Variants in RIMS2 observed in about 807,000 individuals in gnomAD.
RIMS2 encodes regulating synaptic membrane exocytosis protein 2.
RIMS2 carries 59 observed loss-of-function variants against 174.4 expected under a neutral mutation model. The observed-to-expected ratio is 0.34, with a 90% confidence interval of 0.27 to 0.42. RIMS2 has a LOEUF of 0.42. Among genes scored for constraint, RIMS2 ranks in the 10% least tolerant of loss-of-function variants. The pLI is 1.00. For missense variants in RIMS2, 1,620 were observed against 1,666.3 expected (o/e 0.97, Z 0.48); for synonymous variants, 606 against 572.5 (o/e 1.06, Z -0.84).
At chr8:103,609,665 T>A (rs921094471) in intron 1 of RIMS2, among the ~76,000 whole-genome samples, 1 of 152,172 alleles carries the variant, frequency 6.6e-6, no homozygotes, top group Non-Finnish European at 1.5e-5. Context: ...TGGTTGTAGG[T>A]GTGTGGCATT....
chr8:104,038,230 A>G (rs987711673), intron 19 of RIMS2, among the ~76,000 whole-genome samples: 5 of 152,000 alleles, frequency 3.3e-5, no homozygotes, highest in Non-Finnish European at 7.4e-5. Flanking sequence ...TATATTTTAT[A>G]TATCTTTTAT....
At chr8:103,927,116 T>C (rs1414837309) in intron 10 of RIMS2, among the ~76,000 whole-genome samples, 1 of 151,370 alleles carries the variant, frequency 6.6e-6, no homozygotes, top group Non-Finnish European at 1.5e-5. Flanking sequence ...TGGAAAAGTA[T>C]AACGAACTGT....
chr8:104,239,098 G>T (rs142824726), intron 19 of RIMS2, among the ~76,000 whole-genome samples: 278 of 152,288 alleles, frequency 1.8e-3, no homozygotes, highest in African/African-American at 6.2e-3. Flanking sequence ...AGGTCACCAT[G>T]ACATTAAGTT....
intron 2 of RIMS2, among the ~76,000 whole-genome samples, chr8:103,751,801 T>C (rs1346231880): frequency 1.3e-5 from 2 of 151,414 alleles, no homozygotes; most frequent in East Asian, 3.9e-4. Context: ...GTTGTTTGTT[T>C]TTTTCTTGTA....
chr8:104,014,279 G>A (rs1181267120), intron 18 of RIMS2, among the ~76,000 whole-genome samples: 1 of 151,950 alleles, frequency 6.6e-6, no homozygotes, highest in African/African-American at 2.4e-5. Context: ...GTTACTGTAG[G>A]GTTTTGTGTG....
chr8:103,513,725 T>C (rs192873790), intron 1 of RIMS2, among the ~76,000 whole-genome samples: 1 of 152,268 alleles, frequency 6.6e-6, no homozygotes, highest in Admixed American at 6.5e-5. Context: ...TAAATGAAAG[T>C]GCCTGTGAGC....
intron 1 of RIMS2, among the ~76,000 whole-genome samples, chr8:103,620,471 C>T (rs2095609321): frequency 6.6e-6 from 1 of 152,122 alleles, no homozygotes; most frequent in Middle Eastern, 3.4e-3. Context: ...TGACTACTTA[C>T]TCAAGCTTAT....
intron 14 of RIMS2, among the ~76,000 whole-genome samples, chr8:103,956,800 C>T (rs2154544596): frequency 6.6e-6 from 1 of 152,276 alleles, no homozygotes; most frequent in South Asian, 2.1e-4. Context: ...AAGCTATCAT[C>T]AGAGTGAACA....
chr8:104,017,882 C>G (rs753243684), intron 19 of RIMS2, among the ~76,000 whole-genome samples: 1 of 151,902 alleles, frequency 6.6e-6, no homozygotes, highest in Non-Finnish European at 1.5e-5. Context: ...TCAAGACCAG[C>G]CTCGGTAACA....
At chr8:103,900,970 C>T (rs1296566681) in intron 4 of RIMS2, among the ~76,000 whole-genome samples, 1 of 152,012 alleles carries the variant, frequency 6.6e-6, no homozygotes, top group Non-Finnish European at 1.5e-5. Context: ...CTGTCTTGCC[C>T]CCAGGGACGC....
At chr8:103,857,785 A>G (rs543838728) in intron 3 of RIMS2, among the ~76,000 whole-genome samples, 2 of 152,220 alleles carry the variant, frequency 1.3e-5, no homozygotes, top group Admixed American at 1.3e-4. Context: ...GTCTATTACA[A>G]CTCTCTTCTC....
intron 3 of RIMS2, among the ~76,000 whole-genome samples, chr8:103,840,595 A>G (rs972795013): frequency 6.6e-6 from 1 of 152,118 alleles, no homozygotes. Flanking sequence ...TGTTGCACAT[A>G]TGTAGGAACT....
intron 19 of RIMS2, among the ~76,000 whole-genome samples, chr8:104,168,858 G>C (rs141788508): frequency 1.4e-4 from 21 of 152,066 alleles, no homozygotes; most frequent in Admixed American, 4.6e-4. Context: ...TATCATAAAG[G>C]GATGTTGGAT....
intron 19 of RIMS2, among the ~76,000 whole-genome samples, chr8:104,228,719 A>G (rs2099205512): frequency 6.6e-6 from 1 of 152,196 alleles, no homozygotes; most frequent in Admixed American, 6.5e-5. Flanking sequence ...ACCCATCTTC[A>G]TGAAGCCAAC....
rs140418441 is a variant in RIMS2, at chr8:104,197,493, T to C, written c.3335-47423T>C. Among the ~76,000 whole-genome samples the C allele has an allele frequency of 2.1e-3, 326 of 152,328 alleles. 1 individual carries two copies. The highest frequency in any genetic ancestry group is 7.3e-3 in the African/African-American group (305 of 41,578). Reference sequence around the variant, plus strand: ...TGCCTGGCCAACATAAGCAATTTTATTGGTAAATTCAGGTAGAATAAGTTG... The same window carrying C: ...TGCCTGGCCAACATAAGCAATTTTACTGGTAAATTCAGGTAGAATAAGTTG... On this transcript the variant is annotated intron_variant, in intron 19 of 23. Coordinates refer to ENST00000504942, the Ensembl canonical transcript of RIMS2.
At chr8:104,157,130 A>G (rs2134415678) in intron 19 of RIMS2, among the ~76,000 whole-genome samples, 1 of 152,280 alleles carries the variant, frequency 6.6e-6, no homozygotes, top group African/African-American at 2.4e-5. Context: ...AAAAATATTG[A>G]ATCATGCTAC....
chr8:104,014,223 G>C (rs139253611), intron 18 of RIMS2, among the ~76,000 whole-genome samples: 80 of 152,200 alleles, frequency 5.3e-4, no homozygotes, highest in Middle Eastern at 3.4e-3. Flanking sequence ...TTCTCCTCTT[G>C]CTTTCAATGG....
At chr8:104,201,971 T>C (rs2099057100) in intron 19 of RIMS2, among the ~76,000 whole-genome samples, 1 of 152,234 alleles carries the variant, frequency 6.6e-6, no homozygotes, top group South Asian at 2.1e-4. Flanking sequence ...GTATGCCTGT[T>C]GGTAATAATG....
chr8:103,603,243 C>T (rs1043296074), intron 1 of RIMS2, among the ~76,000 whole-genome samples: 3 of 149,416 alleles, frequency 2.0e-5, no homozygotes, highest in African/African-American at 2.5e-5. Flanking sequence ...TGAGCATATG[C>T]GGTGTTTGGT....
Sources: gnomAD v4.1 joint callset for allele counts (sites outside exome capture counted in the v4.1 genomes callset) on GRCh38, gnomAD v4.1.1 for gene constraint, MANE v1.5 for transcripts, NCBI Gene and HGNC (gene_info 2026-07-23, HGNC 2026-07-21) for gene names.